The following CAPZA1 variants were observed in gnomAD, a reference collection of about 807,000 sequenced individuals.
CAPZA1 encodes the protein F-actin-capping protein subunit alpha-1.
CAPZA1 carries 10 observed loss-of-function variants against 40.8 expected under a neutral mutation model. The ratio of observed to expected loss-of-function variants is 0.25; its 90% CI spans 0.15 to 0.42. CAPZA1 has a LOEUF of 0.42. Ranked by LOEUF, CAPZA1 falls within the 10% of genes least tolerant of loss-of-function variation. The probability of loss-of-function intolerance (pLI) is 1.00; values close to 1 mark genes in which losing one functional copy is unlikely to be tolerated. For synonymous variants in CAPZA1, 98 were observed against 115.0 expected, an observed-to-expected ratio of 0.85 and a Z score of 0.95; for missense variants, 277 against 353.8, an observed-to-expected ratio of 0.78 and a Z score of 1.74.
intron 5 of CAPZA1, among the ~76,000 whole-genome samples, chr1:112,656,653 A>G (rs895826997): frequency 6.6e-6 from 1 of 151,916 alleles, no homozygotes; most frequent in African/African-American, 2.4e-5. Context: ...GGAGAGCTCC[A>G]GCACCAAATA....
chr1:112,666,891 C>CT, intron 7 of CAPZA1, 183 bp from the exon 8 acceptor site: 1 of 542,060 alleles, frequency 1.8e-6, no homozygotes, highest in South Asian at 2.7e-5. Flanking sequence ...CGTTCTTAAA[C>CT]TTAAGTGTTC....
intron 2 of CAPZA1, among the ~76,000 whole-genome samples, chr1:112,649,132 A>G (rs538696784): frequency 1.3e-5 from 2 of 152,300 alleles, no homozygotes; most frequent in East Asian, 1.9e-4. Flanking sequence ...CTATGCTCAT[A>G]TTAAAGGATT....
chr1:112,629,644 AT>A (rs1670882128), intron 1 of CAPZA1, among the ~76,000 whole-genome samples: 1 of 152,192 alleles, frequency 6.6e-6, no homozygotes, highest in Non-Finnish European at 1.5e-5. Flanking sequence ...TTACTGATAG[AT>A]TTTTATTAAT....
chr1:112,659,817 A>T (rs767515468), intron 7 of CAPZA1, 38 bp downstream of exon 7: 1 of 1,507,014 alleles, frequency 6.6e-7, no homozygotes, highest in South Asian at 1.1e-5. Context: ...AAAACTTCAC[A>T]TCTTTAAAAC....
rs549705015 is a variant in CAPZA1, at chr1:112,662,673, C to T, written c.585+2894C>T. 3.3e-5 allele frequency among the ~76,000 whole-genome samples: 5 copies of T among 152,194 alleles called. No individual in the cohort carries two copies. In the East Asian group the frequency reaches 9.7e-4, roughly 30 times the overall value. ...TCAGCTTCCCAAAATGCTGGGATTA[C>T]AGGCGTGAGCCACTGCGCCTGGCCC... On this transcript the variant is annotated intron_variant, in intron 7 of 9. Coordinates refer to ENST00000263168, the MANE Select transcript of CAPZA1 (RefSeq NM_006135.3).
chr1:112,648,528 G>T (rs1281310094), intron 2 of CAPZA1, among the ~76,000 whole-genome samples: 2 of 151,508 alleles, frequency 1.3e-5, no homozygotes, highest in African/African-American at 2.4e-5. Flanking sequence ...ATGTTGGCCA[G>T]GATGGTCTCG....
chr1:112,657,486 C>G (rs1671521158), intron 5 of CAPZA1, among the ~76,000 whole-genome samples: 1 of 152,210 alleles, frequency 6.6e-6, no homozygotes, highest in Non-Finnish European at 1.5e-5. Context: ...TTACCTGGTC[C>G]AGTGTCCTTT....
chr1:112,668,087 C>A (rs931634730), intron 8 of CAPZA1, among the ~76,000 whole-genome samples: 1 of 151,820 alleles, frequency 6.6e-6, no homozygotes, highest in African/African-American at 2.4e-5. Flanking sequence ...GAGTTCAAGA[C>A]CAGCCTGAGC....
At chr1:112,651,273 CAG>C (rs1231149957) in intron 3 of CAPZA1, among the ~76,000 whole-genome samples, 2 of 152,110 alleles carry the variant, frequency 1.3e-5, no homozygotes, top group Non-Finnish European at 2.9e-5. Context: ...TTCATTCTGA[CAG>C]AGATAGGAAG....
In CAPZA1 at chr1:112,654,648, C is replaced by T. The variant is rs201509858; in HGVS notation, c.403C>T (p.His135Tyr). Residue 135 changes from histidine (H) to tyrosine (Y), a missense_variant, in exon 5 of 10, where the codon CAT becomes TAT. Around this residue, in one of 2 missense-constraint regions of CAPZA1, gnomAD observed 192 missense variants for 277.2 expected, o/e 0.69. Transcript: ENST00000263168. ...TGCTTTAAGAGCCTATGTGAAAGAC[C>T]ATTATTCCAACGGCTTCTGTACTGT... is the stretch of plus-strand genomic sequence containing the variant. ...DSALRAYVKD[H>Y]YSNGFCTVYA... The T allele has an allele frequency of 4.5e-5, 72 of 1,611,772 alleles. No individual in the cohort carries two copies. The Admixed American group carries it at 1.2e-3, about 27-fold the overall frequency.
chr1:112,664,094 T>C (rs1346167239), intron 7 of CAPZA1, among the ~76,000 whole-genome samples: 1 of 151,990 alleles, frequency 6.6e-6, no homozygotes, highest in Admixed American at 6.6e-5. Context: ...TAGCTGGCCA[T>C]GGTGGCACGC....
At chr1:112,641,569 T>A (rs1342329342) in intron 1 of CAPZA1, among the ~76,000 whole-genome samples, 2 of 152,238 alleles carry the variant, frequency 1.3e-5, no homozygotes, top group Non-Finnish European at 2.9e-5. Context: ...ATTTTTTTTT[T>A]ATGTGGCTTA....
At chr1:112,655,953 TATTG>T (rs1671491871) in intron 5 of CAPZA1, among the ~76,000 whole-genome samples, 1 of 152,176 alleles carries the variant, frequency 6.6e-6, no homozygotes, top group Non-Finnish European at 1.5e-5. Flanking sequence ...TTAAGAAAAA[TATTG>T]ATTAGAATAT....
intron 1 of CAPZA1, among the ~76,000 whole-genome samples, chr1:112,623,998 T>TC (rs1190964601): frequency 1.2e-5 from 1 of 86,952 alleles, no homozygotes. Context: ...AGAGCAAGAC[T>TC]CCATCTCAAA....
intron 7 of CAPZA1, among the ~76,000 whole-genome samples, chr1:112,662,309 C>T (rs1465070934): frequency 6.6e-6 from 1 of 150,986 alleles, no homozygotes; most frequent in African/African-American, 2.4e-5. Context: ...CGGGGTCTCA[C>T]TATATTGCCC....
intron 6 of CAPZA1, 88 bp downstream of exon 6, chr1:112,659,189 A>C: frequency 1.2e-6 from 1 of 850,562 alleles, no homozygotes; most frequent in East Asian, 2.4e-5. Context: ...TGGAATAATT[A>C]TTTAACTTAC....
In CAPZA1 at chr1:112,641,230, T is replaced by A. The variant is rs568949657; in HGVS notation, c.40-5980T>A. ...CAAGAATGATCAATAAAAAAAAAAA[T>A]AAATAAATAAATAATTGAAAAAAAA... On this transcript the variant is annotated intron_variant, in intron 1 of 9. Transcript: ENST00000263168. Among the ~76,000 whole-genome samples, 980 of 144,778 alleles carry A rather than the reference T, an allele frequency of 6.8e-3. 10 individuals carry two copies. The highest frequency in any genetic ancestry group is 0.017 in the African/African-American group (689 of 40,024). 95.0% of individuals were successfully genotyped at this position (144,778 alleles called of 152,430 possible).
intron 7 of CAPZA1, among the ~76,000 whole-genome samples, chr1:112,661,890 A>G (rs976218738): frequency 1.3e-5 from 2 of 152,226 alleles, no homozygotes; most frequent in Non-Finnish European, 2.9e-5. Context: ...TATTTCATTT[A>G]CATATCTTTT....
chr1:112,647,190 T>G lies in CAPZA1; in HGVS notation c.40-20T>G. The G allele has an allele frequency of 7.3e-7, 1 of 1,362,942 alleles. No homozygotes were observed. The allele number at this position is 1,362,942 out of a possible 1,614,324, so 84.4% of individuals were successfully genotyped here. ...TTACTCTTCATAATTCTCCTAAGTGTAAATTTTGTTTCTCTTTAGGTACGC... is the reference window on the plus strand; with the variant it reads ...TTACTCTTCATAATTCTCCTAAGTGGAAATTTTGTTTCTCTTTAGGTACGC... On this transcript the variant is annotated intron_variant, in intron 1 of 9. Coordinates refer to ENST00000263168, the MANE Select transcript of CAPZA1 (RefSeq NM_006135.3).
Sources: gnomAD v4.1 joint callset for allele counts (sites outside exome capture counted in the v4.1 genomes callset) on GRCh38, gnomAD v4.1.1 for gene constraint, gnomAD v4.1.1 regional missense constraint, MANE v1.5 for transcripts, NCBI Gene and HGNC (gene_info 2026-07-23, HGNC 2026-07-21) for gene names.